Variants in FSIP2 observed in about 807,000 individuals in gnomAD.
FSIP2 encodes the protein fibrous sheath-interacting protein 2.
Under a neutral mutation model 510.5 loss-of-function variants are expected in FSIP2, and 367 were observed. The observed-to-expected ratio is 0.72, with a 90% CI of 0.66 to 0.78. The LOEUF is 0.78. FSIP2 is among the 30% of genes least tolerant of loss of function. FSIP2 has a pLI of 0.00. For missense variants in FSIP2, 7,594 were observed against 7,901.7 expected (o/e 0.96, Z 1.48); for synonymous variants, 2,601 against 2,732.2 (o/e 0.95, Z 1.50).
rs1693472162 is a variant in FSIP2 at position 185,802,843 on chromosome 2, A to T, written c.13537A>T (p.Ile4513Phe). 1 of 1,512,338 alleles carries T rather than the reference A, an allele frequency of 6.6e-7. No individual in the cohort carries two copies. The highest frequency in any genetic ancestry group is 8.8e-7 in the Non-Finnish European group (1 of 1,138,344). The allele number at this position is 1,512,338 out of a possible 1,614,324, so 93.7% of individuals were successfully genotyped here. ...CATTGCTTCAAACCTAGTTAGTGAT[A>T]TTAGGATGAAAGTTTCCCAACATGA... Reference protein sequence around the residue: ...NDIASNLVSDIRMKVSQHEIR... With the variant: ...NDIASNLVSDFRMKVSQHEIR... Residue 4513 changes from isoleucine (I) to phenylalanine (F), a missense_variant, in exon 17 of 23, where the codon ATT (isoleucine) becomes TTT (phenylalanine). Transcript: ENST00000424728.
chr2:185,826,957 C>A (rs1317955105), intron 20 of FSIP2, among the ~76,000 whole-genome samples: 1 of 151,744 alleles, frequency 6.6e-6, no homozygotes, highest in South Asian at 2.1e-4. Flanking sequence ...TAACTTAAAT[C>A]CAAAAATCTG....
chr2:185,793,995 C>A lies in FSIP2; in HGVS notation c.6859C>A (p.Pro2287Thr). ...AAGTAAAGAAAAGTCATTTGTTATCCCAGAATTGGAAAATTGTAAACAAAA... is the reference window on the plus strand; with the variant it reads ...AAGTAAAGAAAAGTCATTTGTTATCACAGAATTGGAAAATTGTAAACAAAA... The part of the protein sequence containing the change: ...FQSKEKSFVI[P>T]ELENCKQNDS... The change falls in exon 16 of 23, where the codon CCA becomes ACA. Residue 2287 changes from proline (P) to threonine (T), a missense_variant. Transcript: ENST00000424728. 6.5e-7 allele frequency: 1 copy of A among 1,532,924 alleles called. No homozygotes were observed. Among genetic ancestry groups the A allele is most frequent in the Non-Finnish European group, 8.7e-7 (1 of 1,144,870 alleles). The allele number at this position is 1,532,924 out of a possible 1,614,324, so 95.0% of individuals were successfully genotyped here.
chr2:185,828,406 G>A (rs928078359), intron 21 of FSIP2, among the ~76,000 whole-genome samples: 3 of 151,788 alleles, frequency 2.0e-5, no homozygotes, highest in Non-Finnish European at 4.4e-5. Context: ...AATCCTTTGG[G>A]TTAAGTCAGC....
intron 20 of FSIP2, 29 bp from the exon 21 acceptor site, chr2:185,828,127 T>G (rs768455999): frequency 7.4e-7 from 1 of 1,343,952 alleles, no homozygotes; most frequent in Non-Finnish European, 1.1e-6. Context: ...AAAGAGACTA[T>G]TTTACTTTTT....
rs1301869919 is a variant in FSIP2 at position 185,797,314 on chromosome 2, C to A, written c.10178C>A (p.Pro3393His). ...RMQDKKINYI[P>H]EEENENLEAS... ...CAGGATAAAAAAATCAACTATATAC[C>A]TGAGGAAGAAAATGAAAACCTTGAA... The change falls in exon 16 of 23, where the codon CCT becomes CAT. Residue 3393 changes from proline (P) to histidine (H), a missense_variant. Pro to His is a moderately conservative substitution (Grantham distance 77). Coordinates refer to ENST00000424728, the MANE Select transcript of FSIP2 (RefSeq NM_173651.4). 4 of 1,526,140 alleles carry A rather than the reference C, an allele frequency of 2.6e-6. No homozygotes were observed. In the East Asian group the frequency reaches 9.8e-5, roughly 37 times the overall value. 94.5% of individuals were successfully genotyped at this position (1,526,140 alleles called of 1,614,324 possible).
chr2:185,825,814 T>C (rs1442476245), intron 20 of FSIP2, among the ~76,000 whole-genome samples: 3 of 151,806 alleles, frequency 2.0e-5, no homozygotes, highest in Non-Finnish European at 4.4e-5. Context: ...TCTCACAGAA[T>C]TTACACTTTA....
Position 185,790,398 on chromosome 2 carries a change from A to T in FSIP2, c.3262A>T (p.Asn1088Tyr). Reference protein sequence around the residue: ...EDILKKKLSSNKDISTFSQDQ... With the variant: ...EDILKKKLSSYKDISTFSQDQ... ...TATTTTAAAGAAAAAACTTTCTTCGAATAAAGACATTTCAACTTTCAGCCA... is the reference window on the plus strand; with the variant it reads ...TATTTTAAAGAAAAAACTTTCTTCGTATAAAGACATTTCAACTTTCAGCCA... The change falls in exon 16 of 23, where the codon AAT becomes TAT. Residue 1088 changes from asparagine (N) to tyrosine (Y), a missense_variant. Physicochemically the swap from Asn to Tyr is moderately radical, Grantham distance 143. Coordinates refer to ENST00000424728, the MANE Select transcript of FSIP2 (RefSeq NM_173651.4). 6.5e-7 allele frequency: 1 copy of T among 1,529,764 alleles called. No individual in the cohort carries two copies. The highest frequency in any genetic ancestry group is 8.7e-7 in the Non-Finnish European group (1 of 1,144,486). 94.8% of individuals were successfully genotyped at this position (1,529,764 alleles called of 1,614,324 possible).
intron 2 of FSIP2, 66 bp downstream of exon 2, chr2:185,739,537 G>T (rs191104797): frequency 7.6e-7 from 1 of 1,314,150 alleles, no homozygotes; most frequent in Admixed American, 3.3e-5. Flanking sequence ...CTCAAAGGCT[G>T]CATCATACAA....
At position 185,792,807 on chromosome 2, in the gene FSIP2, G is replaced by C; in HGVS notation, c.5671G>C (p.Val1891Leu). 1 of 1,534,422 alleles carries C rather than the reference G, an allele frequency of 6.5e-7. No homozygotes were observed. Among genetic ancestry groups the C allele is most frequent in the Non-Finnish European group, 8.7e-7 (1 of 1,145,748 alleles). The change falls in exon 16 of 23, where the codon GTC (valine) becomes CTC (leucine). Residue 1891 changes from valine to leucine, a missense_variant. By Grantham distance (32) the Val-to-Leu change is conservative. Coordinates refer to ENST00000424728, the MANE Select transcript of FSIP2 (RefSeq NM_173651.4). Reference sequence around the variant, plus strand: ...ACACACCTATAAAGGAAAGTCCTCTGTCACGGCTTTGGATGAAAATCCATG... The same window carrying C: ...ACACACCTATAAAGGAAAGTCCTCTCTCACGGCTTTGGATGAAAATCCATG... The part of the protein sequence containing the change: ...HEHTYKGKSS[V>L]TALDENPCTF...
In FSIP2 at chr2:185,808,766, G is replaced by C. The variant is rs761626048; in HGVS notation, c.19460G>C (p.Arg6487Thr). 2.5e-6 allele frequency: 4 copies of C among 1,612,588 alleles called. No homozygotes were observed. The highest frequency in any genetic ancestry group is 3.4e-6 in the Non-Finnish European group (4 of 1,179,400). Residue 6487 changes from arginine to threonine, a missense_variant, in exon 17 of 23, where the codon AGA becomes ACA. Coordinates refer to ENST00000424728, the MANE Select transcript of FSIP2 (RefSeq NM_173651.4). Reference protein sequence around the residue: ...ADLSGELDVNRIVQKAQEHAF... With the variant: ...ADLSGELDVNTIVQKAQEHAF... ...CTCTCTGGAGAGCTAGACGTTAATA[G>C]AATTGTTCAAAAGGCCCAAGAACAT...
intron 13 of FSIP2, among the ~76,000 whole-genome samples, chr2:185,767,385 A>G (rs1692510788): frequency 6.6e-6 from 1 of 152,136 alleles, no homozygotes; most frequent in Non-Finnish European, 1.5e-5. Context: ...TAATGACACA[A>G]TATTGTTAAC....
In FSIP2 at chr2:185,807,671, TACGAGA is replaced by T; in HGVS notation, c.18367_18372del (p.Arg6123_Glu6124del). 6.2e-7 allele frequency: 1 copy of T among 1,612,978 alleles called. No individual in the cohort carries two copies. Among genetic ancestry groups the T allele is most frequent in the Non-Finnish European group, 8.5e-7 (1 of 1,179,308 alleles). On this transcript the variant is annotated inframe_deletion, in exon 17 of 23. Transcript: ENST00000424728. ...TCAGAAAACATAGTTGACTTGGTTC[TACGAGA>T]AGTGGCTAGCAATCAGCTGCAGAGC... is the stretch of plus-strand genomic sequence containing the variant.
chr2:185,801,740 A>C lies in FSIP2; in HGVS notation c.12434A>C (p.Asp4145Ala). The C allele has an allele frequency of 7.2e-6, 11 of 1,529,948 alleles. No individual in the cohort carries two copies. The highest frequency in any genetic ancestry group is 8.7e-6 in the Non-Finnish European group (10 of 1,143,744). The allele number at this position is 1,529,948 out of a possible 1,614,324, so 94.8% of individuals were successfully genotyped here. ...STMLSHSFLEDVIRRLLSQLI... is the reference protein window; with the variant it reads ...STMLSHSFLEAVIRRLLSQLI... ...ATGTTATCACATTCATTTTTAGAAG[A>C]TGTCATAAGAAGGCTTTTATCTCAG... Residue 4145 changes from aspartate to alanine, a missense_variant, in exon 17 of 23, where the codon GAT becomes GCT. Asp to Ala is a moderately radical substitution (Grantham distance 126). Transcript: ENST00000424728.
intron 13 of FSIP2, among the ~76,000 whole-genome samples, chr2:185,781,852 T>A (rs2105594691): frequency 6.6e-6 from 1 of 152,010 alleles, no homozygotes; most frequent in East Asian, 1.9e-4. Context: ...TCTTTTTTTT[T>A]TTTGAGACGG....
intron 19 of FSIP2, among the ~76,000 whole-genome samples, chr2:185,822,056 G>A (rs192774550): frequency 1.1e-4 from 16 of 152,056 alleles, no homozygotes; most frequent in Admixed American, 1.0e-3. Flanking sequence ...AGCAGGAAGA[G>A]AAGGAAATTA....
chr2:185,815,268 C>A lies in FSIP2; in HGVS notation c.20326-103C>A, dbSNP rs1693805821. 3 of 627,094 alleles carry A rather than the reference C, an allele frequency of 4.8e-6. No individual in the cohort carries two copies. In the East Asian group the frequency reaches 9.2e-5, roughly 19 times the overall value. The allele number at this position is 627,094 out of a possible 1,614,324, so 38.8% of individuals were successfully genotyped here. A position where few individuals can be genotyped will look rare whatever the true frequency, so the allele number is the denominator to read the frequency against. ...CCCATCTTTTAACTAATCTCTGGAA[C>A]TTTTTTCCATTAAAATGTAGATTAT... On this transcript the variant is annotated intron_variant, in intron 18 of 22. Transcript: ENST00000424728.
Position 185,806,433 on chromosome 2 carries a change from C to A in FSIP2, c.17127C>A (p.Pro5709=). The A allele has an allele frequency of 6.2e-7, 1 of 1,612,006 alleles. No individual in the cohort carries two copies. Among genetic ancestry groups the A allele is most frequent in the Non-Finnish European group, 8.5e-7 (1 of 1,178,684 alleles). The change falls in exon 17 of 23, where the codon CCC becomes CCA. Residue 5709 remains proline, a synonymous_variant. Transcript: ENST00000424728. The part of the protein sequence containing the change: ...YYSKLSYDQS[P]PGDNVLNVIQ... The stretch of plus-strand genomic sequence containing the variant: ...CGAAACTCAGTTATGACCAAAGCCC[C>A]CCAGGTGATAATGTATTAAATGTAA...
rs1043016289 is a variant in FSIP2, at chr2:185,790,988, A to ATCT, written c.3855_3857dup (p.Ser1286dup). The ATCT allele has an allele frequency of 1.8e-5, 28 of 1,528,322 alleles. No homozygotes were observed. In the African/African-American group the frequency reaches 3.7e-4, roughly 20 times the overall value. 94.7% of individuals were successfully genotyped at this position (1,528,322 alleles called of 1,614,324 possible). ...GTCCAAAATTGCATATGGGCTTCAA[A>ATCT]TCTTCATTACGATCTCAACTTAGTA... On this transcript the variant is annotated inframe_insertion, in exon 16 of 23. Transcript: ENST00000424728.
intron 9 of FSIP2, among the ~76,000 whole-genome samples, chr2:185,760,734 C>T (rs1230733903): frequency 6.7e-6 from 1 of 150,360 alleles, no homozygotes; most frequent in South Asian, 2.1e-4. Flanking sequence ...GCAAACTAAT[C>T]TTGAGTTAGT....
Sources: allele counts gnomAD v4.1 joint callset (sites outside exome capture counted in the v4.1 genomes callset), GRCh38; gene constraint gnomAD v4.1.1; transcripts MANE v1.5; gene names NCBI Gene and HGNC (gene_info 2026-07-23, HGNC 2026-07-21).